Variants in MYO15B observed in about 807,000 individuals in gnomAD.
MYO15B encodes the protein myosin XVB pseudogene.
A neutral mutation model predicts 119.3 loss-of-function variants in MYO15B; 207 were observed. That is an observed-to-expected ratio of 1.73 (90% CI 1.55 to 1.95). The LOEUF (loss-of-function observed/expected upper bound fraction) is 1.95. Ranked by LOEUF, MYO15B falls within the 30% of genes most tolerant of loss-of-function variation. The pLI is 0.00. For synonymous variants in MYO15B, 966 were observed against 498.9 expected, an observed-to-expected ratio of 1.94 and a Z score of -12.48; for missense variants, 2,264 against 1,203.1, an observed-to-expected ratio of 1.88 and a Z score of -13.04.
exon 55 of MYO15B, chr17:75,624,060 C>T (rs1237088459): frequency 4.3e-6 from 3 of 702,948 alleles, no homozygotes; most frequent in Non-Finnish European, 7.8e-6. Context: ...CAGGCCCCAG[C>T]CAAGGTGCCC....
chr17:75,620,624 C>T lies in MYO15B; in HGVS notation c.7713C>T (p.Asp2571=), dbSNP rs748083149. Residue 2571 remains aspartate (D), a synonymous_variant, in exon 49 of 64, where the codon GAC becomes GAT. Coordinates refer to ENST00000645453, the Ensembl canonical transcript of MYO15B. ...GGGAACCAGGGCTGGCTCGGTGGGA[C>T]AGGGCCTCAGAGGTGAGGAAGATGG... 4 of 701,040 alleles carry T rather than the reference C, an allele frequency of 5.7e-6. No homozygotes were observed. In the South Asian group the frequency reaches 5.9e-5, roughly 10 times the overall value. 43.4% of individuals were successfully genotyped at this position (701,040 alleles called of 1,614,324 possible).
In MYO15B at chr17:75,613,287, C is replaced by A; in HGVS notation, c.4968-6C>A. 1.5e-6 allele frequency: 1 copy of A among 668,488 alleles called. No individual in the cohort carries two copies. Among genetic ancestry groups the A allele is most frequent in the Non-Finnish European group, 2.7e-6 (1 of 364,262 alleles). The allele number at this position is 668,488 out of a possible 1,614,324, so 41.4% of individuals were successfully genotyped here. A position where few individuals can be genotyped will look rare whatever the true frequency, so the allele number is the denominator to read the frequency against. ...GCCTCCACTGCAGCCTGTGCCCGCCCTGCAGGTTCGTGTCTGACCAGGCCC... is the reference window on the plus strand; with the variant it reads ...GCCTCCACTGCAGCCTGTGCCCGCCATGCAGGTTCGTGTCTGACCAGGCCC... On this transcript the variant is annotated splice_region_variant and splice_polypyrimidine_tract_variant and intron_variant, in intron 27 of 63. Coordinates refer to ENST00000645453, the Ensembl canonical transcript of MYO15B.
At chr17:75,603,671 G>A (rs1267357352) in intron 19 of MYO15B, among the ~76,000 whole-genome samples, 3 of 144,562 alleles carry the variant, frequency 2.1e-5, no homozygotes, top group Admixed American at 6.9e-5. Flanking sequence ...GAAGCAGTGA[G>A]ATGGCAGGGG....
chr17:75,591,432 C>CTT, intron 4 of MYO15B, 169 bp from the exon 5 acceptor site: 2 of 604,612 alleles, frequency 3.3e-6, no homozygotes, highest in Non-Finnish European at 5.9e-6. Context: ...ATCTTGGGGA[C>CTT]TTTTTCTTTT....
In MYO15B at chr17:75,615,898, C is replaced by A; in HGVS notation, c.6030+14C>A. The A allele has an allele frequency of 1.5e-6, 1 of 656,256 alleles. No homozygotes were observed. Among genetic ancestry groups the A allele is most frequent in the Non-Finnish European group, 2.8e-6 (1 of 361,130 alleles). The allele number at this position is 656,256 out of a possible 1,614,324, so 40.7% of individuals were successfully genotyped here. Reference sequence around the variant, plus strand: ...GGCTGCCTGAGGGTGAGGAGGTGACCATATTCTCAGGAAGGGATGTGAGGG... The same window carrying A: ...GGCTGCCTGAGGGTGAGGAGGTGACAATATTCTCAGGAAGGGATGTGAGGG... On this transcript the variant is annotated intron_variant, in intron 36 of 63. Transcript: ENST00000645453.
chr17:75,595,118 C>T, intron 12 of MYO15B, 146 bp downstream of exon 12: 1 of 619,444 alleles, frequency 1.6e-6, no homozygotes, highest in Non-Finnish European at 2.9e-6. Context: ...CCTTCTGCAT[C>T]TGCTGGGCTG....
chr17:75,604,091 G>A (rs751183159), intron 19 of MYO15B, among the ~76,000 whole-genome samples: 2 of 152,192 alleles, frequency 1.3e-5, no homozygotes, highest in African/African-American at 2.4e-5. Context: ...CTGAGCAAAA[G>A]GCAGGCAGTA....
intron 18 of MYO15B, 30 bp from the exon 19 acceptor site, chr17:75,603,157 AG>A (rs2057394888): frequency 1.4e-6 from 1 of 702,716 alleles, no homozygotes; most frequent in African/African-American, 1.7e-5. Context: ...CCTTGACTCC[AG>A]CTGTCTTTGG....
At chr17:75,626,755 C>G (rs1252071604) in exon 64 of MYO15B, 1 of 546,950 alleles carries the variant, frequency 1.8e-6, no homozygotes. Flanking sequence ...GAGGGAGATG[C>G]CCACCCGACC....
chr17:75,618,436 T>C (rs1427448350), intron 43 of MYO15B, among the ~76,000 whole-genome samples: 1 of 152,118 alleles, frequency 6.6e-6, no homozygotes, highest in African/African-American at 2.4e-5. Flanking sequence ...AGGTGGATCA[T>C]GAGGTCAGGA....
exon 35 of MYO15B, chr17:75,615,597 C>G: frequency 1.4e-6 from 1 of 697,710 alleles, no homozygotes. Flanking sequence ...AGGCGCTAAT[C>G]CTGGTGAGCG....
At chr17:75,595,686 C>T (rs909620662) in intron 12 of MYO15B, among the ~76,000 whole-genome samples, 9 of 152,174 alleles carry the variant, frequency 5.9e-5, no homozygotes, top group Admixed American at 2.0e-4. Context: ...CTTGTAGAGA[C>T]GCAGGAGTCT....
exon 41 of MYO15B, chr17:75,617,293 C>T (rs2058432375): frequency 1.5e-6 from 1 of 645,634 alleles, no homozygotes; most frequent in South Asian, 1.7e-5. Context: ...ACCCTTTCAG[C>T]AGAGCGTCGT....
intron 53 of MYO15B, among the ~76,000 whole-genome samples, chr17:75,623,054 G>C (rs1007258427): frequency 4.8e-5 from 3 of 62,912 alleles, no homozygotes; most frequent in African/African-American, 1.9e-4. Flanking sequence ...AGCAGGGGCC[G>C]GGCGCGGCGG....
chr17:75,609,857 T>A (rs755415420), intron 21 of MYO15B, among the ~76,000 whole-genome samples: 1 of 151,870 alleles, frequency 6.6e-6, no homozygotes, highest in Non-Finnish European at 1.5e-5. Flanking sequence ...AGGTGTGCTG[T>A]AATTTTTGTA....
At chr17:75,624,837 G>A in exon 59 of MYO15B, 1 of 703,038 alleles carries the variant, frequency 1.4e-6, no homozygotes, top group Non-Finnish European at 2.6e-6. Flanking sequence ...CAGGACGTGA[G>A]CCTGCACAGC....
At chr17:75,622,771 T>C (rs1171848577) in intron 53 of MYO15B, among the ~76,000 whole-genome samples, 3 of 152,136 alleles carry the variant, frequency 2.0e-5, no homozygotes, top group Non-Finnish European at 4.4e-5. Context: ...GCATGTGGGC[T>C]ACGGGAAGGA....
At position 75,613,525 on chromosome 17, in the gene MYO15B, C is replaced by A. The variant is rs1205264062; in HGVS notation, c.5146+54C>A. 3 of 655,488 alleles carry A rather than the reference C, an allele frequency of 4.6e-6. No individual in the cohort carries two copies. The Admixed American group carries it at 7.9e-5, about 17-fold the overall frequency. The allele number at this position is 655,488 out of a possible 1,614,324, so 40.6% of individuals were successfully genotyped here. ...CAGGCCTGAAGTGGGGCCAGCCCTA[C>A]CCCTTTGCCCTCCCTGGAACCCCTT... On this transcript the variant is annotated intron_variant, in intron 28 of 63. Coordinates refer to ENST00000645453, the Ensembl canonical transcript of MYO15B.
At chr17:75,594,881 G>T in exon 12 of MYO15B, 1 of 703,048 alleles carries the variant, frequency 1.4e-6, no homozygotes, top group African/African-American at 1.7e-5. Context: ...CTCTTCCACC[G>T]GCTTCTGAGG....
Sources: gnomAD v4.1 joint callset for allele counts (sites outside exome capture counted in the v4.1 genomes callset) on GRCh38, gnomAD v4.1.1 for gene constraint, MANE v1.5 for transcripts, NCBI Gene and HGNC (gene_info 2026-07-23, HGNC 2026-07-21) for gene names.